RPSA2: variants seen among roughly 807,000 people sequenced by gnomAD.
RPSA2 encodes ribosomal protein SA 2.
the RPSA2 span, among the ~76,000 whole-genome samples, chr19:23,844,811 C>T: frequency 2.6e-5 from 4 of 151,732 alleles, no homozygotes; most frequent in East Asian, 3.9e-4. Flanking sequence ...TTATTATCCT[C>T]AATTTTTTGG....
the RPSA2 span, among the ~76,000 whole-genome samples, chr19:23,788,258 C>A: frequency 6.6e-6 from 1 of 151,822 alleles, no homozygotes; most frequent in Non-Finnish European, 1.5e-5. Context: ...GTATCTGACT[C>A]TCATTTTCTT....
chr19:23,843,280 G>T, the RPSA2 span: 108 of 186,672 alleles, frequency 5.8e-4, no homozygotes, highest in African/African-American at 2.2e-3. Context: ...ACTCTGGCAC[G>T]TAAGCATGAA....
chr19:23,811,119 A>G, the RPSA2 span, among the ~76,000 whole-genome samples: 1 of 151,734 alleles, frequency 6.6e-6, no homozygotes, highest in East Asian at 2.0e-4. Flanking sequence ...CCCAGGTTCA[A>G]GTGATTCTCC....
At chr19:23,831,392 C>G in the RPSA2 span, among the ~76,000 whole-genome samples, 1 of 152,050 alleles carries the variant, frequency 6.6e-6, no homozygotes, top group African/African-American at 2.4e-5. Context: ...ACTGCACACA[C>G]TTATTTATAA....
chr19:23,817,982 G>A, the RPSA2 span: 1 of 152,162 alleles, frequency 6.6e-6, no homozygotes, highest in Admixed American at 6.5e-5. Context: ...GAGGAAGCTA[G>A]GAGAGGAGGA....
the RPSA2 span, among the ~76,000 whole-genome samples, chr19:23,797,373 G>T: frequency 6.6e-6 from 1 of 152,172 alleles, no homozygotes; most frequent in Admixed American, 6.5e-5. Context: ...CTCCCAAAGT[G>T]CTGGGATTAC....
chr19:23,812,341 T>C, the RPSA2 span, among the ~76,000 whole-genome samples: 1 of 151,966 alleles, frequency 6.6e-6, no homozygotes, highest in African/African-American at 2.4e-5. Context: ...CAATTTTTGT[T>C]GTAGCTTATC....
the RPSA2 span, chr19:23,782,354 T>A: frequency 1.3e-5 from 2 of 151,960 alleles, no homozygotes; most frequent in Admixed American, 1.3e-4. Context: ...ACTTCTTTTG[T>A]TTTGGCTCTG....
chr19:23,858,291 T>C, the RPSA2 span, among the ~76,000 whole-genome samples: 2 of 148,966 alleles, frequency 1.3e-5, no homozygotes, highest in African/African-American at 4.9e-5. Context: ...AGAAATTACT[T>C]AATAGTTTTA....
At chr19:23,760,390 G>C in the RPSA2 span, among the ~76,000 whole-genome samples, 1 of 152,092 alleles carries the variant, frequency 6.6e-6, no homozygotes, top group Non-Finnish European at 1.5e-5. Flanking sequence ...GAGGGCTTAA[G>C]ACAATAACAT....
the RPSA2 span, among the ~76,000 whole-genome samples, chr19:23,809,766 GTCTAC>G: frequency 9.2e-3 from 1,391 of 151,582 alleles, 69 homozygotes; most frequent in Admixed American, 0.075. Context: ...AGATTACATG[GTCTAC>G]CAACAGCAAT....
chr19:23,762,987 T>C, the RPSA2 span: 1 of 152,326 alleles, frequency 6.6e-6, no homozygotes, highest in African/African-American at 2.4e-5. Flanking sequence ...GCGGGGTCTT[T>C]ACCTCTTGCT....
chr19:23,864,261 GAAGTAAACTCAAATTACTTCTT>G, the RPSA2 span, among the ~76,000 whole-genome samples: 3 of 152,176 alleles, frequency 2.0e-5, no homozygotes, highest in African/African-American at 7.2e-5. Context: ...TAATTTCTCT[GAAGTAAACTCAAATTACTTCTT>G]AAGTAAACTC....
the RPSA2 span, among the ~76,000 whole-genome samples, chr19:23,785,889 A>G: frequency 6.6e-6 from 1 of 152,144 alleles, no homozygotes; most frequent in African/African-American, 2.4e-5. Flanking sequence ...ATAGGAAATT[A>G]CCACTTTCTT....
At chr19:23,761,921 T>TC in the RPSA2 span, among the ~76,000 whole-genome samples, 12 of 76,136 alleles carry the variant, frequency 1.6e-4, no homozygotes, top group Non-Finnish European at 2.3e-4. Context: ...TCTTTCTTTC[T>TC]TTTTTTTTTT....
the RPSA2 span, chr19:23,832,925 C>A: frequency 6.5e-7 from 1 of 1,530,854 alleles, no homozygotes; most frequent in Non-Finnish European, 8.9e-7. Context: ...AACCTGTCTT[C>A]AAGCTTTACT....
chr19:23,858,637 T>A, the RPSA2 span, among the ~76,000 whole-genome samples: 1 of 152,186 alleles, frequency 6.6e-6, no homozygotes, highest in Non-Finnish European at 1.5e-5. Flanking sequence ...CAAACATAGA[T>A]AACCAAGGTG....
At chr19:23,784,492 G>T in the RPSA2 span, among the ~76,000 whole-genome samples, 1 of 152,190 alleles carries the variant, frequency 6.6e-6, no homozygotes, top group Admixed American at 6.5e-5. Flanking sequence ...CTATTATCTG[G>T]ACTCAGCCAA....
At chr19:23,809,796 C>T in the RPSA2 span, among the ~76,000 whole-genome samples, 32 of 151,850 alleles carry the variant, frequency 2.1e-4, no homozygotes, top group African/African-American at 7.0e-4. Context: ...TACTTTTGGT[C>T]TTCAATTTCA....
Sources: allele counts gnomAD v4.1 joint callset (sites outside exome capture counted in the v4.1 genomes callset), GRCh38; gene constraint gnomAD v4.1.1; transcripts MANE v1.5; gene names NCBI Gene and HGNC (gene_info 2026-07-23, HGNC 2026-07-21).